The following DNAH9 variants were observed in gnomAD, a reference collection of about 807,000 sequenced individuals.
DNAH9 encodes the protein dynein axonemal heavy chain 9.
A neutral mutation model predicts 471.6 loss-of-function variants in DNAH9; 345 were observed. The observed-to-expected ratio is 0.73, with a 90% confidence interval of 0.67 to 0.80. DNAH9 has a LOEUF of 0.80. Ranked by LOEUF, DNAH9 falls within the 30% of genes least tolerant of loss-of-function variation. The pLI, the probability that DNAH9 is intolerant of heterozygous loss-of-function variation, is 0.00. For synonymous variants in DNAH9, 2,093 were observed against 2,123.6 expected, an observed-to-expected ratio of 0.99 and a Z score of 0.40; for missense variants, 5,407 against 5,609.2, an observed-to-expected ratio of 0.96 and a Z score of 1.15.
chr17:11,732,694 C>T (rs535086358), intron 28 of DNAH9, among the ~76,000 whole-genome samples: 2 of 152,164 alleles, frequency 1.3e-5, no homozygotes, highest in African/African-American at 4.8e-5. Context: ...ATATTACTTA[C>T]TTTTTTCTGG....
intron 26 of DNAH9, among the ~76,000 whole-genome samples, chr17:11,712,044 TTA>T (rs1555571272): frequency 3.2e-4 from 2 of 6,306 alleles, no homozygotes; most frequent in Non-Finnish European, 7.2e-4. Context: ...TTATATATAT[TTA>T]TATATAAATA....
chr17:11,696,360 C>T (rs937687850), intron 22 of DNAH9, among the ~76,000 whole-genome samples: 1 of 152,156 alleles, frequency 6.6e-6, no homozygotes, highest in African/African-American at 2.4e-5. Flanking sequence ...TGATATACCA[C>T]AGTTTGGCCA....
chr17:11,640,348 A>G lies in DNAH9; in HGVS notation c.1865A>G (p.Gln622Arg), dbSNP rs2073247797. The change falls in exon 10 of 69, where the codon CAG (glutamine) becomes CGG (arginine). Residue 622 changes from glutamine to arginine, a missense_variant. Physicochemically the swap from Gln to Arg is conservative, Grantham distance 43. Coordinates refer to ENST00000262442, the MANE Select transcript of DNAH9 (RefSeq NM_001372.4). ...GCACAGGAGCTGAGGCAGCGCATCC[A>G]GGGTCCTTTCAGCAACTTTGGACGC... ...RWAQELRQRIQGPFSNFGRIT... is the reference protein window; with the variant it reads ...RWAQELRQRIRGPFSNFGRIT... The G allele has an allele frequency of 6.2e-7, 1 of 1,614,040 alleles. No homozygotes were observed.
At chr17:11,823,367 G>C (rs1410660364) in intron 48 of DNAH9, among the ~76,000 whole-genome samples, 1 of 152,040 alleles carries the variant, frequency 6.6e-6, no homozygotes, top group Non-Finnish European at 1.5e-5. Flanking sequence ...CATTGATGCT[G>C]GAATCCCCTG....
intron 50 of DNAH9, 46 bp downstream of exon 50, chr17:11,854,474 C>A: frequency 1.3e-6 from 2 of 1,555,668 alleles, no homozygotes; most frequent in South Asian, 1.2e-5. Flanking sequence ...GCCTCCAATA[C>A]AAACAACGCT....
intron 61 of DNAH9, among the ~76,000 whole-genome samples, chr17:11,911,794 C>A (rs1973801009): frequency 6.6e-6 from 1 of 152,030 alleles, no homozygotes; most frequent in Non-Finnish European, 1.5e-5. Flanking sequence ...GATTGCTTTT[C>A]TTTTATTAAA....
intron 28 of DNAH9, among the ~76,000 whole-genome samples, chr17:11,730,903 G>C (rs2075249608): frequency 1.3e-5 from 2 of 150,702 alleles, no homozygotes; most frequent in South Asian, 4.3e-4. Context: ...GATGATAATG[G>C]TGATGGTGGT....
At chr17:11,848,063 C>T (rs1971288480) in intron 49 of DNAH9, among the ~76,000 whole-genome samples, 1 of 152,086 alleles carries the variant, frequency 6.6e-6, no homozygotes, top group African/African-American at 2.4e-5. Flanking sequence ...CTCCACTCAC[C>T]CTAACATTAC....
In DNAH9 at chr17:11,797,671, C is replaced by T. The variant is rs1969292115; in HGVS notation, c.8298C>T (p.Pro2766=). 6.2e-7 allele frequency: 1 copy of T among 1,614,166 alleles called. No individual in the cohort carries two copies. Among genetic ancestry groups the T allele is most frequent in the East Asian group, 2.2e-5 (1 of 44,870 alleles). The change falls in exon 43 of 69, where the codon CCC becomes CCT. Residue 2766 remains proline, a synonymous_variant. Coordinates refer to ENST00000262442, the MANE Select transcript of DNAH9 (RefSeq NM_001372.4). ...YCHFANGIGE[P]KYMPVQSWEL... ...ACTTTGCAAATGGTATTGGGGAGCC[C>T]AAATACATGCCTGTACAGTCTTGGG...
At chr17:11,826,333 C>T in intron 48 of DNAH9, among the ~76,000 whole-genome samples, 1 of 145,786 alleles carries the variant, frequency 6.9e-6, no homozygotes, top group East Asian at 2.0e-4. Flanking sequence ...GATGCTTCTG[C>T]TATCCAATTC....
At chr17:11,705,920 A>G (rs972302270) in intron 26 of DNAH9, among the ~76,000 whole-genome samples, 6 of 152,164 alleles carry the variant, frequency 3.9e-5, no homozygotes, top group East Asian at 1.9e-4. Context: ...ACAAAGAAGT[A>G]TTTCTCTCTA....
At chr17:11,793,877 T>C (rs1383732121) in intron 42 of DNAH9, among the ~76,000 whole-genome samples, 2 of 152,000 alleles carry the variant, frequency 1.3e-5, no homozygotes, top group African/African-American at 4.8e-5. Flanking sequence ...AAGAAGTCCA[T>C]AGAGATCATC....
chr17:11,862,952 CAT>C (rs1239502447), intron 50 of DNAH9, among the ~76,000 whole-genome samples: 1 of 151,924 alleles, frequency 6.6e-6, no homozygotes, highest in Non-Finnish European at 1.5e-5. Flanking sequence ...GATATACAAT[CAT>C]GTCGTCTGCA....
chr17:11,692,868 T>C (rs572009628), intron 20 of DNAH9, among the ~76,000 whole-genome samples: 2 of 152,298 alleles, frequency 1.3e-5, no homozygotes, highest in South Asian at 4.1e-4. Flanking sequence ...TATACTTAAG[T>C]ATTTTATTTA....
chr17:11,763,097 C>T lies in DNAH9; in HGVS notation c.6996-343C>T, dbSNP rs570758825. On this transcript the variant is annotated intron_variant, in intron 35 of 68. Transcript: ENST00000262442. ...ACAATTGCAGAAAGTGTGAAATGAG[C>T]GAAAAAGTTACTTGTTGCAGCCACC... Among the ~76,000 whole-genome samples the T allele has an allele frequency of 2.0e-4, 30 of 151,820 alleles. No individual in the cohort carries two copies. The East Asian group carries it at 3.1e-3, about 16-fold the overall frequency.
At chr17:11,733,955 T>C (rs1377506699) in intron 28 of DNAH9, among the ~76,000 whole-genome samples, 2 of 150,452 alleles carry the variant, frequency 1.3e-5, no homozygotes, top group East Asian at 2.0e-4. Context: ...GCAAGGACCA[T>C]AGAGGCTGGA....
At position 11,930,765 on chromosome 17, in the gene DNAH9, C is replaced by CAAAAAAAAAAAAAAAAAAAAAAA. The variant is rs11371438; in HGVS notation, c.12105+689_12105+690insAAAAAAAAAAAAAAAAAAAAAAA. Among the ~76,000 whole-genome samples the CAAAAAAAAAAAAAAAAAAAAAAA allele has an allele frequency of 7.1e-4, 89 of 125,108 alleles. 2 individuals are homozygous for CAAAAAAAAAAAAAAAAAAAAAAA. Among genetic ancestry groups the CAAAAAAAAAAAAAAAAAAAAAAA allele is most frequent in the African/African-American group, 2.6e-3 (83 of 31,658 alleles). 82.1% of individuals were successfully genotyped at this position (125,108 alleles called of 152,430 possible). A position where few individuals can be genotyped will look rare whatever the true frequency, so the allele number is the denominator to read the frequency against. On this transcript the variant is annotated intron_variant, in intron 63 of 68. Transcript: ENST00000262442. Reference sequence around the variant, plus strand: ...GGGCGACAGAGTGAGACTCCATCTCCAAAAAAAAAAAAAAAAATTGCAGAT... The same window carrying CAAAAAAAAAAAAAAAAAAAAAAA: ...GGGCGACAGAGTGAGACTCCATCTCCAAAAAAAAAAAAAAAAAAAAAAAAAAAAAAAAAAAAAAAATTGCAGAT...
chr17:11,879,550 C>G (rs188945482), intron 53 of DNAH9, among the ~76,000 whole-genome samples: 2 of 152,124 alleles, frequency 1.3e-5, no homozygotes, highest in Non-Finnish European at 2.9e-5. Context: ...TTAAGAAAAT[C>G]AAGCTATTTA....
intron 50 of DNAH9, among the ~76,000 whole-genome samples, chr17:11,860,614 T>A (rs1597746812): frequency 1.3e-5 from 2 of 152,152 alleles, no homozygotes; most frequent in South Asian, 4.2e-4. Context: ...CAGGCTGGAG[T>A]GCAATGGCAC....
Sources: gnomAD v4.1 joint callset for allele counts (sites outside exome capture counted in the v4.1 genomes callset) on GRCh38, gnomAD v4.1.1 for gene constraint, MANE v1.5 for transcripts, NCBI Gene and HGNC (gene_info 2026-07-23, HGNC 2026-07-21) for gene names.